The following P3H2 variants were observed in gnomAD, a reference collection of about 807,000 sequenced individuals.
The protein encoded by P3H2 is prolyl 3-hydroxylase 2.
Under a neutral mutation model 87.0 loss-of-function variants are expected in P3H2, and 80 were observed. The observed-to-expected ratio is 0.92, with a 90% confidence interval of 0.77 to 1.11. P3H2 has a LOEUF of 1.11. P3H2 is among the 50% of genes least tolerant of loss of function. The pLI is 0.00. For synonymous variants in P3H2, 367 were observed against 359.3 expected, an observed-to-expected ratio of 1.02 and a Z score of -0.24; for missense variants, 1,001 against 923.9, an observed-to-expected ratio of 1.08 and a Z score of -1.08.
Position 189,973,019 on chromosome 3 carries a change from A to G in P3H2, c.1554T>C (p.Gly518=). 1 of 1,576,286 alleles carries G rather than the reference A, an allele frequency of 6.3e-7. No individual in the cohort carries two copies. Among genetic ancestry groups the G allele is most frequent in the Middle Eastern group, 1.7e-4 (1 of 6,000 alleles). Residue 518 remains glycine (G), a synonymous_variant, in exon 11 of 15, where the codon GGT becomes GGC. Coordinates refer to ENST00000319332, the MANE Select transcript of P3H2 (RefSeq NM_018192.4). ...TCTTCAGTGGGACTCGACCTTCATA[A>G]CCAGACTGAAAAAAAAAAACAAAAC... is the stretch of plus-strand genomic sequence containing the variant. ...GATVLKALKS[G]YEGRVPLKSA... is the part of the protein sequence containing the mutation.
At chr3:189,973,511 CTTTTTTTT>C (rs869099221) in intron 10 of P3H2, among the ~76,000 whole-genome samples, 1 of 35,460 alleles carries the variant, frequency 2.8e-5, no homozygotes, top group Non-Finnish European at 5.0e-5. Context: ...TTCTTTCTTT[CTTTTTTTT>C]TTTTTTTTTT....
chr3:189,986,199 A>G (rs1390992715), intron 6 of P3H2, among the ~76,000 whole-genome samples: 1 of 152,236 alleles, frequency 6.6e-6, no homozygotes, highest in East Asian at 1.9e-4. Context: ...CAAATGAGTC[A>G]TACACAAAAT....
chr3:190,005,721 A>G (rs114027569), intron 1 of P3H2, among the ~76,000 whole-genome samples: 235 of 152,284 alleles, frequency 1.5e-3, no homozygotes, highest in African/African-American at 5.6e-3. Flanking sequence ...ATTTCCAAAC[A>G]CTCATTTCAG....
At chr3:190,018,479 G>T (rs1408177351) in intron 1 of P3H2, among the ~76,000 whole-genome samples, 1 of 152,196 alleles carries the variant, frequency 6.6e-6, no homozygotes, top group African/African-American at 2.4e-5. Context: ...AGGCTGAGGA[G>T]GGAGGATTGC....
In P3H2 at chr3:189,986,739, G is replaced by A. The variant is rs1381114964; in HGVS notation, c.1188+49C>T. ...GAGGCAGGTAATAAAAACATAAAAA[G>A]GATTCCACTGAATCATTATTTTAAT... On this transcript the variant is annotated intron_variant, in intron 6 of 14. Transcript: ENST00000319332. 14 of 1,301,696 alleles carry A rather than the reference G, an allele frequency of 1.1e-5. No homozygotes were observed. In the East Asian group the frequency reaches 3.0e-4, roughly 28 times the overall value. 80.6% of individuals were successfully genotyped at this position (1,301,696 alleles called of 1,614,324 possible). A position where few individuals can be genotyped will look rare whatever the true frequency, so the allele number is the denominator to read the frequency against.
Position 190,018,560 on chromosome 3 carries a change from T to A in P3H2, c.481-23118A>T, listed in dbSNP as rs147651259. Among the ~76,000 whole-genome samples the A allele has an allele frequency of 3.1e-4, 47 of 152,054 alleles. 1 individual carries two copies. Among genetic ancestry groups the A allele is most frequent in the African/African-American group, 1.1e-3 (46 of 41,492 alleles). ...ACTGTCTCTATAAAAAATTTAAAAA[T>A]TAGCTGGGCATGGTGGCAAGCACCT... On this transcript the variant is annotated intron_variant, in intron 1 of 14. Transcript: ENST00000319332.
rs1031338266 is a variant in P3H2, at chr3:189,957,517, T to A, written c.*395A>T. 1 of 390,188 alleles carries A rather than the reference T, an allele frequency of 2.6e-6. No individual in the cohort carries two copies. The highest frequency in any genetic ancestry group is 4.5e-6 in the Non-Finnish European group (1 of 219,874). The allele number at this position is 390,188 out of a possible 1,614,324, so 24.2% of individuals were successfully genotyped here. A position where few individuals can be genotyped will look rare whatever the true frequency, so the allele number is the denominator to read the frequency against. ...GGTGAACTGGGCTTTGATAGATACATGAAATGATGAAAAACCAAGAAAGAG... is the reference window on the plus strand; with the variant it reads ...GGTGAACTGGGCTTTGATAGATACAAGAAATGATGAAAAACCAAGAAAGAG... On this transcript the variant is annotated 3_prime_UTR_variant, in exon 15 of 15. Transcript: ENST00000319332.
rs148000500 is a variant in P3H2, at chr3:189,972,947, T to C, written c.1626A>G (p.Val542=). 1.9e-6 allele frequency: 3 copies of C among 1,613,648 alleles called. No homozygotes were observed. The highest frequency in any genetic ancestry group is 2.5e-6 in the Non-Finnish European group (3 of 1,179,942). The part of the protein sequence containing the change: ...YDISEKARRI[V]ESYFMLNSTL... ...TTGAGTTCAGCATAAAATAAGATTC[T>C]ACAATCCTTCGAGCCTTTTCGCTGA... Residue 542 remains valine, a synonymous_variant, in exon 11 of 15, where the codon GTA becomes GTG. Coordinates refer to ENST00000319332, the MANE Select transcript of P3H2 (RefSeq NM_018192.4).
At chr3:189,996,426 G>T (rs1373040962) in intron 1 of P3H2, among the ~76,000 whole-genome samples, 1 of 152,164 alleles carries the variant, frequency 6.6e-6, no homozygotes, top group Admixed American at 6.5e-5. Context: ...CATAGAAGTA[G>T]AGTGGAACGG....
intron 1 of P3H2, among the ~76,000 whole-genome samples, chr3:190,092,629 T>C (rs1187498580): frequency 6.6e-6 from 1 of 152,230 alleles, no homozygotes; most frequent in East Asian, 1.9e-4. Context: ...AAGAGGATTA[T>C]TCTTTCGGGA....
chr3:189,978,587 T>G (rs1723424480), intron 8 of P3H2, among the ~76,000 whole-genome samples: 1 of 152,102 alleles, frequency 6.6e-6, no homozygotes, highest in Non-Finnish European at 1.5e-5. Context: ...ATGCCTTTCA[T>G]GTAGCTAACA....
intron 14 of P3H2, among the ~76,000 whole-genome samples, chr3:189,958,557 G>A (rs1315349349): frequency 1.3e-5 from 2 of 151,628 alleles, no homozygotes; most frequent in Non-Finnish European, 2.9e-5. Flanking sequence ...TTGTTGGGGG[G>A]TGGGAGGGTG....
At chr3:190,059,084 G>T (rs917893739) in intron 1 of P3H2, among the ~76,000 whole-genome samples, 1 of 152,156 alleles carries the variant, frequency 6.6e-6, no homozygotes, top group Non-Finnish European at 1.5e-5. Flanking sequence ...GGACTACACA[G>T]AGGATGCAGA....
chr3:190,107,385 A>G (rs776388812), intron 1 of P3H2, among the ~76,000 whole-genome samples: 46 of 152,166 alleles, frequency 3.0e-4, no homozygotes, highest in Non-Finnish European at 4.7e-4. Flanking sequence ...CTTTCATAGC[A>G]TTTTTGTGTG....
In P3H2 at chr3:190,020,791, T is replaced by C. The variant is rs1724909020; in HGVS notation, c.481-25349A>G. On this transcript the variant is annotated intron_variant, in intron 1 of 14. Coordinates refer to ENST00000319332, the MANE Select transcript of P3H2 (RefSeq NM_018192.4). Reference sequence around the variant, plus strand: ...AGTGCTTGAAGCCTAACTGGCCTTTTAGAAAGGCTTCCTAAGGAGTCCTTT... The same window carrying C: ...AGTGCTTGAAGCCTAACTGGCCTTTCAGAAAGGCTTCCTAAGGAGTCCTTT... Among the ~76,000 whole-genome samples the C allele has an allele frequency of 1.5e-5, 2 of 133,752 alleles. 1 individual carries two copies. Among genetic ancestry groups the C allele is most frequent in the African/African-American group, 5.2e-5 (2 of 38,642 alleles). 87.7% of individuals were successfully genotyped at this position (133,752 alleles called of 152,430 possible).
intron 13 of P3H2, among the ~76,000 whole-genome samples, chr3:189,966,039 GAAAGA>G (rs1722966388): frequency 7.5e-6 from 1 of 132,754 alleles, no homozygotes; most frequent in Non-Finnish European, 1.6e-5. Flanking sequence ...GAGAGAGAAA[GAAAGA>G]AAAGAAAGAA....
At chr3:190,050,408 T>G (rs1725941455) in intron 1 of P3H2, among the ~76,000 whole-genome samples, 1 of 152,190 alleles carries the variant, frequency 6.6e-6, no homozygotes, top group Admixed American at 6.5e-5. Flanking sequence ...AAATTAATCC[T>G]CTCTACTTGT....
chr3:189,957,192 C>A lies in P3H2; in HGVS notation c.*720G>T. ...TGAGATCTCCCGGAGCCTGGGTGATCATTACGCCCATGATACCTGAGGCAG... is the reference window on the plus strand; with the variant it reads ...TGAGATCTCCCGGAGCCTGGGTGATAATTACGCCCATGATACCTGAGGCAG... On this transcript the variant is annotated 3_prime_UTR_variant, in exon 15 of 15. Transcript: ENST00000319332. 2.5e-6 allele frequency: 1 copy of A among 398,740 alleles called. No homozygotes were observed. The allele number at this position is 398,740 out of a possible 1,614,324, so 24.7% of individuals were successfully genotyped here.
chr3:190,058,543 T>A (rs960354514), intron 1 of P3H2, among the ~76,000 whole-genome samples: 1 of 151,686 alleles, frequency 6.6e-6, no homozygotes, highest in East Asian at 1.9e-4. Context: ...AGAATGGGAG[T>A]GAGTAGATGT....
Sources: allele counts gnomAD v4.1 joint callset (sites outside exome capture counted in the v4.1 genomes callset), GRCh38; gene constraint gnomAD v4.1.1; transcripts MANE v1.5; gene names NCBI Gene and HGNC (gene_info 2026-07-23, HGNC 2026-07-21).